NBEA: variants seen among roughly 807,000 people sequenced by gnomAD.
The protein encoded by NBEA is neurobeachin, also known as lysosomal-trafficking regulator 2.
In NBEA, 44 loss-of-function variants were observed where a neutral mutation model predicts 343.4. That is an observed-to-expected ratio of 0.13 (90% CI 0.10 to 0.16). The LOEUF (loss-of-function observed/expected upper bound fraction) is 0.16. Ranked by LOEUF, NBEA falls within the 10% of genes least tolerant of loss-of-function variation. The pLI, the probability that NBEA is intolerant of heterozygous loss-of-function variation, is 1.00. For missense variants in NBEA, 2,555 were observed against 3,631.3 expected, an observed-to-expected ratio of 0.70 and a Z score of 7.62; for synonymous variants, 1,175 against 1,238.7, an observed-to-expected ratio of 0.95 and a Z score of 1.08.
intron 34 of NBEA, among the ~76,000 whole-genome samples, chr13:35,261,310 G>A (rs1394430404): frequency 3.9e-5 from 6 of 152,030 alleles, no homozygotes; most frequent in Admixed American, 2.0e-4. Context: ...TAAGGAGTTC[G>A]AGACCAGCCT....
chr13:35,569,712 A>C (rs377013782), intron 45 of NBEA, among the ~76,000 whole-genome samples: 68 of 152,308 alleles, frequency 4.5e-4, no homozygotes, highest in African/African-American at 1.6e-3. Context: ...AAACTCAGAT[A>C]GTTAACAGTA....
rs1323103211 is a variant in NBEA at position 35,664,078 on chromosome 13, T to C, written c.8363-1007T>C. On this transcript the variant is annotated intron_variant, in intron 55 of 58. Transcript: ENST00000379939. ...GGTAAGGCCTTGTGATTATGCACTTTCCTCATGAACTCTCTGTGGCTTCCC... is the reference window on the plus strand; with the variant it reads ...GGTAAGGCCTTGTGATTATGCACTTCCCTCATGAACTCTCTGTGGCTTCCC... 1.3e-5 allele frequency among the ~76,000 whole-genome samples: 2 copies of C among 152,182 alleles called. 1 individual carries two copies. The highest frequency in any genetic ancestry group is 3.8e-4 in the East Asian group (2 of 5,196).
chr13:35,327,310 A>G (rs1372222688), intron 36 of NBEA, among the ~76,000 whole-genome samples: 1 of 152,072 alleles, frequency 6.6e-6, no homozygotes, highest in Non-Finnish European at 1.5e-5. Flanking sequence ...TGTTCTACCA[A>G]GAAAACACAT....
At chr13:35,562,106 C>T (rs948870779) in intron 44 of NBEA, among the ~76,000 whole-genome samples, 1 of 151,988 alleles carries the variant, frequency 6.6e-6, no homozygotes, top group African/African-American at 2.4e-5. Context: ...TCTACTTTTT[C>T]CATTTCACTA....
chr13:35,050,469 A>C, intron 6 of NBEA, 74 bp downstream of exon 6: 2 of 1,399,914 alleles, frequency 1.4e-6, no homozygotes, highest in Non-Finnish European at 9.7e-7. Flanking sequence ...TGAGCTCTGT[A>C]GTATTCTCTT....
intron 40 of NBEA, among the ~76,000 whole-genome samples, chr13:35,457,473 G>T (rs187842741): frequency 6.6e-6 from 1 of 152,016 alleles, no homozygotes; most frequent in Admixed American, 6.6e-5. Flanking sequence ...CTGGACAACC[G>T]CTAATCTACT....
intron 24 of NBEA, among the ~76,000 whole-genome samples, chr13:35,168,026 T>C (rs535747570): frequency 6.6e-6 from 1 of 151,904 alleles, no homozygotes; most frequent in East Asian, 1.9e-4. Context: ...TTCTATTCTG[T>C]CCAAAAATAA....
chr13:35,203,173 G>T (rs2073137153), intron 31 of NBEA, among the ~76,000 whole-genome samples: 1 of 152,042 alleles, frequency 6.6e-6, no homozygotes, highest in Non-Finnish European at 1.5e-5. Flanking sequence ...AGCCTTCATG[G>T]TTTCTCATCC....
chr13:35,572,640 A>G (rs1593256002), intron 45 of NBEA, among the ~76,000 whole-genome samples: 1 of 152,172 alleles, frequency 6.6e-6, no homozygotes, highest in African/African-American at 2.4e-5. Flanking sequence ...CCAAATGTCT[A>G]TCTACCACAC....
At chr13:35,377,173 G>A (rs560404137) in intron 38 of NBEA, among the ~76,000 whole-genome samples, 1 of 152,308 alleles carries the variant, frequency 6.6e-6, no homozygotes, top group African/African-American at 2.4e-5. Flanking sequence ...TCCACCAACT[G>A]TGGGAGTAAG....
chr13:35,594,915 T>A (rs1392410716), intron 47 of NBEA, among the ~76,000 whole-genome samples: 2 of 150,240 alleles, frequency 1.3e-5, no homozygotes, highest in Non-Finnish European at 3.0e-5. Flanking sequence ...CTATTTCAAA[T>A]GAAAATGCCT....
intron 12 of NBEA, 129 bp from the exon 13 acceptor site, chr13:35,110,681 T>C (rs2066158499): frequency 1.8e-6 from 1 of 556,366 alleles, no homozygotes; most frequent in African/African-American, 1.9e-5. Flanking sequence ...AAGTTATTTT[T>C]AACCTCATAA....
chr13:35,587,045 G>A (rs907451308), intron 46 of NBEA, among the ~76,000 whole-genome samples: 1 of 152,134 alleles, frequency 6.6e-6, no homozygotes. Flanking sequence ...TGGATTCGCT[G>A]ATCACCAAAT....
At chr13:35,168,258 A>G (rs924693093) in intron 24 of NBEA, among the ~76,000 whole-genome samples, 3 of 151,582 alleles carry the variant, frequency 2.0e-5, no homozygotes, top group Non-Finnish European at 4.4e-5. Context: ...AAAAATTAGA[A>G]AGAATAGTTG....
rs770023965 is a variant in NBEA, at chr13:35,432,249, T to G, written c.6180-20T>G. On this transcript the variant is annotated intron_variant, in intron 38 of 58. Coordinates refer to ENST00000379939, the MANE Select transcript of NBEA (RefSeq NM_001385012.1). Reference sequence around the variant, plus strand: ...TGCATTGTTATTAATAGGGATTACTTTTTTTCCCTCTACTCTTAGCCAATT... The same window carrying G: ...TGCATTGTTATTAATAGGGATTACTGTTTTTCCCTCTACTCTTAGCCAATT... The G allele has an allele frequency of 1.9e-6, 3 of 1,576,082 alleles. No individual in the cohort carries two copies. In the African/African-American group the frequency reaches 4.0e-5, roughly 21 times the overall value.
Position 35,208,799 on chromosome 13 carries a change from C to A in NBEA, c.5466C>A (p.Thr1822=). ...GAAGTGGGCTGCCAACAGGCAGTAC[C>A]TCTAATATATTTGCTGCTACTGGAG... ...TAGSGLPTGS[T]SNIFAATGAT... Residue 1822 remains threonine, a synonymous_variant, in exon 32 of 59, where the codon ACC becomes ACA. Transcript: ENST00000379939. The A allele has an allele frequency of 6.2e-7, 1 of 1,609,610 alleles. No homozygotes were observed. Among genetic ancestry groups the A allele is most frequent in the Non-Finnish European group, 8.5e-7 (1 of 1,177,416 alleles).
chr13:35,113,108 C>T (rs2066299802), intron 13 of NBEA, among the ~76,000 whole-genome samples: 3 of 152,008 alleles, frequency 2.0e-5, no homozygotes, highest in Non-Finnish European at 4.4e-5. Flanking sequence ...TTTAGTATTT[C>T]CTTGTCTTTC....
intron 41 of NBEA, among the ~76,000 whole-genome samples, chr13:35,541,784 G>A (rs1197147764): frequency 1.3e-5 from 2 of 149,442 alleles, no homozygotes; most frequent in African/African-American, 4.9e-5. Flanking sequence ...CTGTACACAT[G>A]CACAAAAAGG....
intron 10 of NBEA, among the ~76,000 whole-genome samples, chr13:35,091,680 A>C (rs1247811992): frequency 6.6e-6 from 1 of 151,976 alleles, no homozygotes; most frequent in African/African-American, 2.4e-5. Context: ...ACCACATTTA[A>C]AAATAACATT....
Sources: gnomAD v4.1 joint callset for allele counts (sites outside exome capture counted in the v4.1 genomes callset) on GRCh38, gnomAD v4.1.1 for gene constraint, MANE v1.5 for transcripts, NCBI Gene and HGNC (gene_info 2026-07-23, HGNC 2026-07-21) for gene names.